RPUSD4: variants seen among roughly 807,000 people sequenced by gnomAD.
RPUSD4 encodes pseudouridylate synthase RPUSD4, mitochondrial.
Under a neutral mutation model 35.4 loss-of-function variants are expected in RPUSD4, and 37 were observed. The ratio of observed to expected loss-of-function variants is 1.04; its 90% confidence interval spans 0.80 to 1.37. The LOEUF (loss-of-function observed/expected upper bound fraction) is 1.37. Among genes scored for constraint, RPUSD4 ranks in the 40% most tolerant of loss-of-function variants. RPUSD4 has a pLI of 0.00. For missense variants in RPUSD4, 507 were observed against 484.9 expected, an observed-to-expected ratio of 1.05 and a Z score of -0.43; for synonymous variants, 210 against 192.7, an observed-to-expected ratio of 1.09 and a Z score of -0.74.
At chr11:126,208,705 C>A (rs630956) in intron 3 of RPUSD4, 27,409 of 152,106 alleles carry the variant, frequency 0.18, 2,606 homozygotes, top group South Asian at 0.22. Context: ...ACTGCATACA[C>A]CAGACACGCA....
Position 126,205,720 on chromosome 11 carries a change from T to C in RPUSD4, c.619A>G (p.Lys207Glu). ...TGTTGCTGCTGGCCTTGCGCCTCCT[T>C]CTCCACAATGGGGATGTCCACGACT... ...AGVVDIPIVE[K>E]EAQGQQQHHK... is the part of the protein sequence containing the mutation. The change falls in exon 4 of 7, where the codon AAG becomes GAG. Residue 207 changes from lysine (K) to glutamate (E), a missense_variant. Lys to Glu is a moderately conservative substitution (Grantham distance 56). Coordinates refer to ENST00000298317, the MANE Select transcript of RPUSD4 (RefSeq NM_032795.3). 3 of 1,613,420 alleles carry C rather than the reference T, an allele frequency of 1.9e-6. No individual in the cohort carries two copies. Among genetic ancestry groups the C allele is most frequent in the Non-Finnish European group, 2.5e-6 (3 of 1,179,562 alleles).
intron 3 of RPUSD4, chr11:126,206,098 T>C (rs1339783461): frequency 1.5e-5 from 3 of 205,204 alleles, no homozygotes; most frequent in Non-Finnish European, 2.9e-5. Flanking sequence ...ATTATGGTAA[T>C]ATAGTTTTGT....
intron 5 of RPUSD4, 53 bp from the exon 6 acceptor site, chr11:126,204,381 C>T: frequency 7.4e-7 from 1 of 1,344,414 alleles, no homozygotes; most frequent in Non-Finnish European, 1.0e-6. Flanking sequence ...GCTACAGAAA[C>T]AATACCAGTA....
chr11:126,205,879 A>C, intron 3 of RPUSD4, 98 bp from the exon 4 acceptor site: 1 of 798,406 alleles, frequency 1.3e-6, no homozygotes, highest in Non-Finnish European at 2.0e-6. Flanking sequence ...TTCTGCACTA[A>C]CATGTGATTT....
rs756583882 is a variant in RPUSD4, at chr11:126,205,617, A to T, written c.652-5T>A. The T allele has an allele frequency of 6.2e-7, 1 of 1,614,182 alleles. No individual in the cohort carries two copies. Among genetic ancestry groups the T allele is most frequent in the South Asian group, 1.1e-5 (1 of 91,090 alleles). On this transcript the variant is annotated splice_region_variant and splice_polypyrimidine_tract_variant and intron_variant, in intron 4 of 6. Transcript: ENST00000298317. Reference sequence around the variant, plus strand: ...GTAGCTCGGGGACAATGTCATCTGAAGCCAAAGAAATCAAGATATGATTCC... The same window carrying T: ...GTAGCTCGGGGACAATGTCATCTGATGCCAAAGAAATCAAGATATGATTCC...
chr11:126,205,395 C>T (rs1382015563), intron 5 of RPUSD4, 73 bp downstream of exon 5: 1 of 1,583,492 alleles, frequency 6.3e-7, no homozygotes, highest in Non-Finnish European at 8.6e-7. Context: ...ACTAGCTGCT[C>T]AGAACGAGGC....
intron 3 of RPUSD4, among the ~76,000 whole-genome samples, chr11:126,208,103 T>C (rs1310901732): frequency 6.6e-6 from 1 of 152,168 alleles, no homozygotes; most frequent in Non-Finnish European, 1.5e-5. Flanking sequence ...TACTCACCAC[T>C]GCTGGTGGGA....
In RPUSD4 at chr11:126,203,523, G is replaced by C; in HGVS notation, c.1029C>G (p.Cys343Trp). 6.2e-7 allele frequency: 1 copy of C among 1,614,172 alleles called. No homozygotes were observed. The highest frequency in any genetic ancestry group is 8.5e-7 in the Non-Finnish European group (1 of 1,180,038). The change falls in exon 7 of 7, where the codon TGC becomes TGG. Residue 343 changes from cysteine (C) to tryptophan (W), a missense_variant. Transcript: ENST00000298317. ...GSGKEELNLV[C>W]KLPRFFVHSL... ...AATGCACAAAGAAGCGAGGAAGTTT[G>C]CAGACCAAGTTGAGTTCCTCCTTCC...
chr11:126,211,133 G>C lies in RPUSD4; in HGVS notation c.190-78C>G, dbSNP rs529989638. On this transcript the variant is annotated intron_variant, in intron 1 of 6. Coordinates refer to ENST00000298317, the MANE Select transcript of RPUSD4 (RefSeq NM_032795.3). ...AGACCTTCCATAAAGGTCTGGGTGA[G>C]AATCTGAGTAGGGAATGACTATCTT... is the stretch of plus-strand genomic sequence containing the variant. 4.0e-6 allele frequency: 6 copies of C among 1,503,736 alleles called. No individual in the cohort carries two copies. The African/African-American group carries it at 6.9e-5, about 17-fold the overall frequency. The allele number at this position is 1,503,736 out of a possible 1,614,324, so 93.1% of individuals were successfully genotyped here.
At chr11:126,207,709 G>C (rs1035781527) in intron 3 of RPUSD4, among the ~76,000 whole-genome samples, 14 of 152,068 alleles carry the variant, frequency 9.2e-5, no homozygotes, top group Non-Finnish European at 1.6e-4. Context: ...AATTAGCTGG[G>C]CATGGTGGCA....
intron 3 of RPUSD4, among the ~76,000 whole-genome samples, chr11:126,207,739 A>T (rs1949787243): frequency 6.6e-6 from 1 of 152,142 alleles, no homozygotes; most frequent in Admixed American, 6.5e-5. Context: ...AATTCCAGCT[A>T]GCTGAAACAT....
At chr11:126,209,813 G>A (rs1949822461) in intron 2 of RPUSD4, 91 bp from the exon 3 acceptor site, 4 of 1,057,016 alleles carry the variant, frequency 3.8e-6, no homozygotes, top group Non-Finnish European at 1.4e-6. Flanking sequence ...TGGATAAACT[G>A]TCAATATTTT....
At chr11:126,210,551 C>CACACACACA (rs369874015) in intron 2 of RPUSD4, among the ~76,000 whole-genome samples, 3,273 of 145,542 alleles carry the variant, frequency 0.022, 53 homozygotes, top group Non-Finnish European at 0.03. Flanking sequence ...ACACACACAC[C>CACACACACA]CCCTTTTTTC....
chr11:126,203,739 T>A lies in RPUSD4; in HGVS notation c.895-82A>T, dbSNP rs1033186061. 4 of 1,519,138 alleles carry A rather than the reference T, an allele frequency of 2.6e-6. No individual in the cohort carries two copies. In the African/African-American group the frequency reaches 5.5e-5, roughly 21 times the overall value. The allele number at this position is 1,519,138 out of a possible 1,614,324, so 94.1% of individuals were successfully genotyped here. ...ACATGCAAGGTCAGGGCACTTCTAC[T>A]TACAGGGAACCAAAACTAACCCCCT... On this transcript the variant is annotated intron_variant, in intron 6 of 6. Coordinates refer to ENST00000298317, the MANE Select transcript of RPUSD4 (RefSeq NM_032795.3).
At chr11:126,205,369 A>G (rs1244926652) in intron 5 of RPUSD4, 99 bp downstream of exon 5, 7 of 1,454,838 alleles carry the variant, frequency 4.8e-6, no homozygotes, top group South Asian at 1.3e-5. Context: ...ACATTCTCAC[A>G]CAAGTCAGCC....
intron 5 of RPUSD4, among the ~76,000 whole-genome samples, chr11:126,204,730 T>C (rs1949751878): frequency 6.6e-6 from 1 of 152,218 alleles, no homozygotes; most frequent in Admixed American, 6.5e-5. Context: ...GCCAAGTCAG[T>C]GACATTAGGT....
chr11:126,211,030 C>G lies in RPUSD4; in HGVS notation c.215G>C (p.Arg72Thr). 1 of 1,613,902 alleles carries G rather than the reference C, an allele frequency of 6.2e-7. No individual in the cohort carries two copies. The highest frequency in any genetic ancestry group is 8.5e-7 in the Non-Finnish European group (1 of 1,180,026). ...TGTGAACCGCACTATTTCTTGCACTCTCCGCTGAACAGCGTTTGTGGACAC... is the reference window on the plus strand; with the variant it reads ...TGTGAACCGCACTATTTCTTGCACTGTCCGCTGAACAGCGTTTGTGGACAC... ...EPVSTNAVQR[R>T]VQEIVRFTRQ... Residue 72 changes from arginine to threonine, a missense_variant, in exon 2 of 7, where the codon AGA becomes ACA. Arg to Thr is a moderately conservative substitution (Grantham distance 71, BLOSUM62 -1). Transcript: ENST00000298317.
Position 126,205,547 on chromosome 11 carries a change from A to G in RPUSD4, c.717T>C (p.Asn239=), listed in dbSNP as rs751908642. 4 of 1,614,166 alleles carry G rather than the reference A, an allele frequency of 2.5e-6. No individual in the cohort carries two copies. In the South Asian group the frequency reaches 4.4e-5, roughly 18 times the overall value. ...GGTACTGAGTTACAGCAACTTGCGC[A>G]TTCCGGCTGCGCCGCACTTTCACCA... is the stretch of plus-strand genomic sequence containing the variant. ...GKMVKVRRSR[N]AQVAVTQYQV... The change falls in exon 5 of 7, where the codon AAT becomes AAC. Residue 239 remains asparagine, a synonymous_variant. Transcript: ENST00000298317.
chr11:126,204,527 A>G (rs1949749172), intron 5 of RPUSD4, among the ~76,000 whole-genome samples, 199 bp from the exon 6 acceptor site: 1 of 152,214 alleles, frequency 6.6e-6, no homozygotes, highest in Non-Finnish European at 1.5e-5. Context: ...AACGCCGTAA[A>G]TACTCTAAGT....
Sources: gnomAD v4.1 joint callset for allele counts (sites outside exome capture counted in the v4.1 genomes callset) on GRCh38, gnomAD v4.1.1 for gene constraint, MANE v1.5 for transcripts, NCBI Gene and HGNC (gene_info 2026-07-23, HGNC 2026-07-21) for gene names.